The following LCLAT1 variants were observed in gnomAD, a reference collection of about 807,000 sequenced individuals.
LCLAT1 encodes 1-AGP acyltransferase 8.
A neutral mutation model predicts 30.7 loss-of-function variants in LCLAT1; 11 were observed. The observed-to-expected ratio is 0.36, with a 90% CI of 0.23 to 0.59. LCLAT1 has a LOEUF of 0.59. LCLAT1 is among the 20% of genes least tolerant of loss of function. LCLAT1 has a pLI of 0.77. For synonymous variants in LCLAT1, 155 were observed against 151.3 expected (o/e 1.02, Z -0.18); for missense variants, 402 against 458.6 (o/e 0.88, Z 1.13).
intron 5 of LCLAT1, among the ~76,000 whole-genome samples, chr2:30,597,698 G>A (rs1473941144): frequency 6.6e-6 from 1 of 152,148 alleles, no homozygotes; most frequent in East Asian, 1.9e-4. Context: ...GGAGTGGTGA[G>A]AGAGGGCATC....
At chr2:30,568,818 A>C (rs1217347222) in intron 5 of LCLAT1, among the ~76,000 whole-genome samples, 1 of 140,396 alleles carries the variant, frequency 7.1e-6, no homozygotes, top group East Asian at 2.2e-4. Context: ...AAAATGTCTT[A>C]AGAGTATCTT....
At position 30,630,814 on chromosome 2, in the gene LCLAT1, A is replaced by G. The variant is rs115250978; in HGVS notation, c.629-9303A>G. 1.9e-3 allele frequency among the ~76,000 whole-genome samples: 296 copies of G among 152,364 alleles called. 1 individual carries two copies. The highest frequency in any genetic ancestry group is 6.9e-3 in the African/African-American group (285 of 41,590). On this transcript the variant is annotated intron_variant, in intron 5 of 5. Coordinates refer to ENST00000379509, the MANE Select transcript of LCLAT1 (RefSeq NM_001002257.3). ...TATGAGCCAAAATGTACTTTGAAAT[A>G]AAGTATGAATCTTTAAGGTGATACT...
chr2:30,618,706 A>G (rs1014212140), intron 5 of LCLAT1, among the ~76,000 whole-genome samples: 1 of 152,168 alleles, frequency 6.6e-6, no homozygotes, highest in African/African-American at 2.4e-5. Flanking sequence ...CCCAAAGCTA[A>G]AAGTTAAAAA....
intron 1 of LCLAT1, among the ~76,000 whole-genome samples, chr2:30,498,866 A>T (rs1409283657): frequency 1.3e-5 from 2 of 152,212 alleles, no homozygotes; most frequent in Non-Finnish European, 2.9e-5. Flanking sequence ...AGTAGACTGG[A>T]GAGACCAGAC....
intron 5 of LCLAT1, among the ~76,000 whole-genome samples, chr2:30,628,388 G>A (rs1668614073): frequency 6.6e-6 from 1 of 152,170 alleles, no homozygotes; most frequent in Non-Finnish European, 1.5e-5. Context: ...TGCAGGACAG[G>A]TTTTTTGGGA....
At chr2:30,542,125 T>G (rs766640803) in intron 3 of LCLAT1, among the ~76,000 whole-genome samples, 1 of 152,212 alleles carries the variant, frequency 6.6e-6, no homozygotes, top group African/African-American at 2.4e-5. Flanking sequence ...ATAGGCTCTT[T>G]ATAGATAGGA....
At chr2:30,487,449 C>T (rs1011381019) in intron 1 of LCLAT1, among the ~76,000 whole-genome samples, 5 of 152,190 alleles carry the variant, frequency 3.3e-5, no homozygotes, top group Non-Finnish European at 7.3e-5. Flanking sequence ...CCTCTCTCTC[C>T]CTTTTTCCCT....
chr2:30,590,755 C>CT (rs1458805687), intron 5 of LCLAT1, among the ~76,000 whole-genome samples: 1 of 151,958 alleles, frequency 6.6e-6, no homozygotes, highest in East Asian at 1.9e-4. Flanking sequence ...ATAGAAAACT[C>CT]TGATACTTGA....
chr2:30,536,340 T>C (rs752123029), intron 3 of LCLAT1, among the ~76,000 whole-genome samples: 24 of 152,186 alleles, frequency 1.6e-4, no homozygotes, highest in Non-Finnish European at 3.1e-4. Flanking sequence ...CAAGGCACTT[T>C]ATGGTCAAAC....
intron 1 of LCLAT1, among the ~76,000 whole-genome samples, chr2:30,524,030 T>C (rs1049514350): frequency 6.6e-6 from 1 of 152,106 alleles, no homozygotes; most frequent in African/African-American, 2.4e-5. Flanking sequence ...TTCAGAGGTC[T>C]TGATCTCTCA....
chr2:30,633,547 G>A (rs1484053906), intron 5 of LCLAT1, among the ~76,000 whole-genome samples: 15 of 152,190 alleles, frequency 9.9e-5, no homozygotes, highest in South Asian at 2.1e-4. Flanking sequence ...TTAGCTGGGC[G>A]TGGTGTGTGT....
At position 30,467,764 on chromosome 2, in the gene LCLAT1, C is replaced by T. The variant is rs568791023; in HGVS notation, c.-5+20381C>T. Among the ~76,000 whole-genome samples the T allele has an allele frequency of 1.9e-4, 28 of 151,282 alleles. No individual in the cohort carries two copies. In the East Asian group the frequency reaches 2.9e-3, roughly 16 times the overall value. On this transcript the variant is annotated intron_variant, in intron 1 of 5. Coordinates refer to ENST00000379509, the MANE Select transcript of LCLAT1 (RefSeq NM_001002257.3). ...TTGAGAAGTGTCTGTTCATATCCTTCGCCCACTTTTTGATGGGGTTGTTTG... is the reference window on the plus strand; with the variant it reads ...TTGAGAAGTGTCTGTTCATATCCTTTGCCCACTTTTTGATGGGGTTGTTTG...
chr2:30,575,142 AGT>A (rs1211265589), intron 5 of LCLAT1, among the ~76,000 whole-genome samples: 1 of 152,094 alleles, frequency 6.6e-6, no homozygotes, highest in Non-Finnish European at 1.5e-5. Flanking sequence ...AGACAGCTTA[AGT>A]GTTTTTTCCA....
chr2:30,513,126 G>A (rs1272982336), intron 1 of LCLAT1, among the ~76,000 whole-genome samples: 1 of 151,852 alleles, frequency 6.6e-6, no homozygotes, highest in African/African-American at 2.4e-5. Context: ...TGAGATAGAA[G>A]GAAAATGGTA....
intron 1 of LCLAT1, among the ~76,000 whole-genome samples, chr2:30,500,007 G>A (rs1684295704): frequency 6.6e-6 from 1 of 152,128 alleles, no homozygotes; most frequent in African/African-American, 2.4e-5. Flanking sequence ...TTGAGTAATT[G>A]ACCCTGTTAT....
At chr2:30,484,614 A>C (rs547029474) in intron 1 of LCLAT1, among the ~76,000 whole-genome samples, 1 of 152,260 alleles carries the variant, frequency 6.6e-6, no homozygotes, top group Admixed American at 6.5e-5. Flanking sequence ...TCTAATGCAG[A>C]TCTAGTTTCT....
At chr2:30,492,227 CTA>C (rs1444356054) in intron 1 of LCLAT1, among the ~76,000 whole-genome samples, 2 of 152,074 alleles carry the variant, frequency 1.3e-5, no homozygotes, top group Non-Finnish European at 2.9e-5. Context: ...CACAATAACA[CTA>C]TGTACATTAT....
At chr2:30,555,584 T>C (rs1027570590) in intron 3 of LCLAT1, among the ~76,000 whole-genome samples, 2 of 152,152 alleles carry the variant, frequency 1.3e-5, no homozygotes, top group Non-Finnish European at 2.9e-5. Context: ...CATATCCTTT[T>C]TAATACTATT....
At chr2:30,497,569 A>G (rs1287426142) in intron 1 of LCLAT1, among the ~76,000 whole-genome samples, 1 of 152,192 alleles carries the variant, frequency 6.6e-6, no homozygotes, top group Non-Finnish European at 1.5e-5. Context: ...AGCCTCTGAC[A>G]GATTTTTTTC....
Sources: gnomAD v4.1 joint callset for allele counts (sites outside exome capture counted in the v4.1 genomes callset) on GRCh38, gnomAD v4.1.1 for gene constraint, MANE v1.5 for transcripts, NCBI Gene and HGNC (gene_info 2026-07-23, HGNC 2026-07-21) for gene names.